The following ZNF512 variants were observed in gnomAD, a reference collection of about 807,000 sequenced individuals.
ZNF512 encodes the protein zinc finger protein 512.
A neutral mutation model predicts 77.5 loss-of-function variants in ZNF512; 25 were observed. That is an observed-to-expected ratio of 0.32 (90% CI 0.23 to 0.45). The LOEUF is 0.45. Among genes scored for constraint, ZNF512 ranks in the 20% least tolerant of loss-of-function variants. The probability of loss-of-function intolerance (pLI) is 1.00; values close to 1 mark genes in which losing one functional copy is unlikely to be tolerated. For synonymous variants in ZNF512, 246 were observed against 239.9 expected (o/e 1.03, Z -0.24); for missense variants, 483 against 692.6 (o/e 0.70, Z 3.40).
At chr2:27,601,640 A>AT (rs1553351643) in intron 7 of ZNF512, among the ~76,000 whole-genome samples, 198 bp downstream of exon 7, 1 of 127,352 alleles carries the variant, frequency 7.9e-6, no homozygotes, top group Admixed American at 7.2e-5. Flanking sequence ...CGCCTGGCTA[A>AT]TTTTTTTTGT....
chr2:27,613,511 T>G (rs1052984413), intron 10 of ZNF512, among the ~76,000 whole-genome samples: 1 of 150,702 alleles, frequency 6.6e-6, no homozygotes. Context: ...AAAAAAAAAA[T>G]TTATATATAT....
chr2:27,600,288 T>A (rs1309095098), intron 5 of ZNF512, among the ~76,000 whole-genome samples: 1 of 152,172 alleles, frequency 6.6e-6, no homozygotes, highest in Non-Finnish European at 1.5e-5. Flanking sequence ...TGAATAGGGG[T>A]AATAAAGGCA....
chr2:27,614,858 C>G (rs1359197626), intron 10 of ZNF512, among the ~76,000 whole-genome samples: 2 of 150,892 alleles, frequency 1.3e-5, no homozygotes, highest in East Asian at 1.9e-4. Flanking sequence ...ACCTATGAAT[C>G]TTTCTTTTTT....
In ZNF512 at chr2:27,592,667, C is replaced by CTTTTTTTTTT. The variant is rs139890307; in HGVS notation, c.90-5379_90-5370dup. Among the ~76,000 whole-genome samples, 81 of 81,562 alleles carry CTTTTTTTTTT rather than the reference C, an allele frequency of 9.9e-4. 6 individuals are homozygous for CTTTTTTTTTT. Among genetic ancestry groups the CTTTTTTTTTT allele is most frequent in the Non-Finnish European group, 1.4e-3 (61 of 42,738 alleles). The allele number at this position is 81,562 out of a possible 152,430, so 53.5% of individuals were successfully genotyped here. On this transcript the variant is annotated intron_variant, in intron 2 of 13. Transcript: ENST00000355467. ...TACCCATATAATTTACCATGTTTACCTTTTTTTTTTTTTTTTTTTTTTTTT... is the reference window on the plus strand; with the variant it reads ...TACCCATATAATTTACCATGTTTACCTTTTTTTTTTTTTTTTTTTTTTTTTTTTTTTTTTT...
chr2:27,600,468 T>A (rs1672070598), intron 5 of ZNF512, among the ~76,000 whole-genome samples: 1 of 152,230 alleles, frequency 6.6e-6, no homozygotes, highest in Non-Finnish European at 1.5e-5. Flanking sequence ...GGAGCCGTTC[T>A]CAGGTGGTTT....
At chr2:27,595,122 G>A (rs1008764063) in intron 2 of ZNF512, among the ~76,000 whole-genome samples, 2 of 152,120 alleles carry the variant, frequency 1.3e-5, no homozygotes, top group Non-Finnish European at 2.9e-5. Flanking sequence ...GAGGGAGACC[G>A]AAGAAGGGAG....
At chr2:27,613,096 C>A (rs1672734942) in intron 10 of ZNF512, among the ~76,000 whole-genome samples, 1 of 152,116 alleles carries the variant, frequency 6.6e-6, no homozygotes, top group South Asian at 2.1e-4. Flanking sequence ...TTAGTTTATC[C>A]TTCCTGTATT....
chr2:27,611,432 T>C (rs968739634), intron 10 of ZNF512, among the ~76,000 whole-genome samples: 1 of 152,186 alleles, frequency 6.6e-6, no homozygotes, highest in African/African-American at 2.4e-5. Flanking sequence ...AGTGGTATTC[T>C]TGGCAAGAAT....
chr2:27,607,973 T>A lies in ZNF512; in HGVS notation c.1065T>A (p.Ser355=), dbSNP rs539261390. ...TATACCACCTACAGGAGCTGGCCTC[T>A]GCTGAACTGGCCAAGGAATGGCCCA... ...IAVYHLQELA[S]AELAKEWPKR... Residue 355 remains serine (S), a synonymous_variant, in exon 10 of 14, where the codon TCT becomes TCA. Coordinates refer to ENST00000355467, the MANE Select transcript of ZNF512 (RefSeq NM_032434.4). The A allele has an allele frequency of 1.2e-6, 2 of 1,612,730 alleles. No homozygotes were observed. The highest frequency in any genetic ancestry group is 3.3e-5 in the Admixed American group (2 of 59,770).
chr2:27,610,378 T>A (rs67798437), intron 10 of ZNF512, among the ~76,000 whole-genome samples: 109,530 of 142,664 alleles, frequency 0.77, 42,266 homozygotes, highest in East Asian at 0.97. Flanking sequence ...AAAAAAAAAA[T>A]AAATAAATAA....
chr2:27,607,087 T>G (rs1672400159), intron 9 of ZNF512, among the ~76,000 whole-genome samples: 1 of 152,062 alleles, frequency 6.6e-6, no homozygotes, highest in East Asian at 1.9e-4. Flanking sequence ...GTCAACTGAT[T>G]ATAGACTTTT....
chr2:27,588,243 C>T (rs1420369298), intron 2 of ZNF512, among the ~76,000 whole-genome samples: 4 of 151,978 alleles, frequency 2.6e-5, no homozygotes, highest in East Asian at 3.9e-4. Context: ...ATTTAAGAAA[C>T]CTTTGCCTCC....
chr2:27,619,518 G>T lies in ZNF512; in HGVS notation c.1396-1635G>T, dbSNP rs555890953. Reference sequence around the variant, plus strand: ...AATTGGAACCAACAAATTTCACTTGGTTTGGGGCATGCTCCCAGGCATTTG... The same window carrying T: ...AATTGGAACCAACAAATTTCACTTGTTTTGGGGCATGCTCCCAGGCATTTG... On this transcript the variant is annotated intron_variant, in intron 13 of 13. Transcript: ENST00000355467. Among the ~76,000 whole-genome samples the T allele has an allele frequency of 1.8e-4, 27 of 152,252 alleles. No individual in the cohort carries two copies. In the South Asian group the frequency reaches 5.0e-3, roughly 28 times the overall value.
At chr2:27,608,509 C>G (rs867523458) in intron 10 of ZNF512, among the ~76,000 whole-genome samples, 2 of 152,022 alleles carry the variant, frequency 1.3e-5, no homozygotes, top group African/African-American at 4.8e-5. Flanking sequence ...GCCTTGTCTA[C>G]TTGGCCTTCT....
chr2:27,591,848 G>T (rs1245577101), intron 2 of ZNF512, among the ~76,000 whole-genome samples: 5 of 152,214 alleles, frequency 3.3e-5, no homozygotes, highest in African/African-American at 1.2e-4. Context: ...CGATTTTAAA[G>T]ATACTGTACT....
chr2:27,598,048 T>C lies in ZNF512; in HGVS notation c.90-19T>C. The C allele has an allele frequency of 1.3e-6, 2 of 1,504,932 alleles. No individual in the cohort carries two copies. The highest frequency in any genetic ancestry group is 1.8e-6 in the Non-Finnish European group (2 of 1,111,358). 93.2% of individuals were successfully genotyped at this position (1,504,932 alleles called of 1,614,324 possible). ...GCTCCAGACCTTCCTTTGTGGTATATATTTTTATGTTGTATTAGTAGCAGG... is the reference window on the plus strand; with the variant it reads ...GCTCCAGACCTTCCTTTGTGGTATACATTTTTATGTTGTATTAGTAGCAGG... On this transcript the variant is annotated intron_variant, in intron 2 of 13. Coordinates refer to ENST00000355467, the MANE Select transcript of ZNF512 (RefSeq NM_032434.4).
intron 10 of ZNF512, among the ~76,000 whole-genome samples, chr2:27,610,569 T>TATATATATATATATATACA (rs70953871): frequency 6.3e-5 from 1 of 15,804 alleles, no homozygotes; most frequent in African/African-American, 2.6e-4. Context: ...TATATATATA[T>TATATATATATATATATACA]TTTTTTTTTT....
intron 2 of ZNF512, among the ~76,000 whole-genome samples, chr2:27,595,187 T>A (rs1428905118): frequency 4.6e-5 from 7 of 152,168 alleles, no homozygotes; most frequent in Non-Finnish European, 4.4e-5. Flanking sequence ...CTTTCGCCTC[T>A]CCCTCTGGGA....
intron 10 of ZNF512, among the ~76,000 whole-genome samples, chr2:27,610,568 ATTTTTTTTTTTTTTTTT>A (rs767964486): frequency 3.3e-4 from 6 of 18,180 alleles, no homozygotes; most frequent in African/African-American, 5.9e-4. Flanking sequence ...ATATATATAT[ATTTTTTTTTTTTTTTTT>A]TTTTTTTTTT....
Sources: allele counts gnomAD v4.1 joint callset (sites outside exome capture counted in the v4.1 genomes callset), GRCh38; gene constraint gnomAD v4.1.1; transcripts MANE v1.5; gene names NCBI Gene and HGNC (gene_info 2026-07-23, HGNC 2026-07-21).